The following CEP135 variants were observed in gnomAD, a reference collection of about 807,000 sequenced individuals.
CEP135 encodes centrosomal protein 135.
CEP135 carries 142 observed loss-of-function variants against 157.3 expected under a neutral mutation model. The ratio of observed to expected loss-of-function variants is 0.90; its 90% CI spans 0.79 to 1.04. CEP135 has a LOEUF of 1.04. CEP135 is among the 50% of genes least tolerant of loss of function. The probability of loss-of-function intolerance (pLI) is 0.00; values close to 1 mark genes in which losing one functional copy is unlikely to be tolerated. For synonymous variants in CEP135, 396 were observed against 439.8 expected, an observed-to-expected ratio of 0.90 and a Z score of 1.25; for missense variants, 1,317 against 1,309.2, an observed-to-expected ratio of 1.01 and a Z score of -0.09.
At chr4:56,003,307 G>A (rs1730242419) in intron 17 of CEP135, among the ~76,000 whole-genome samples, 1 of 152,016 alleles carries the variant, frequency 6.6e-6, no homozygotes, top group South Asian at 2.1e-4. Flanking sequence ...CCGGGTTCAC[G>A]CCATTCTCCT....
At chr4:55,969,367 C>G (rs1728944790) in intron 9 of CEP135, among the ~76,000 whole-genome samples, 1 of 148,602 alleles carries the variant, frequency 6.7e-6, no homozygotes, top group Non-Finnish European at 1.5e-5. Flanking sequence ...GCAGAGGTTG[C>G]AGTGAGCCGA....
Position 55,971,312 on chromosome 4 carries a change from G to T in CEP135, c.1153G>T (p.Glu385Ter), listed in dbSNP as rs373032199. Residue 385 changes from glutamate to a stop codon, truncating the protein, a stop_gained, in exon 10 of 26, where the codon GAA becomes TAA. Coordinates refer to ENST00000257287, the MANE Select transcript of CEP135 (RefSeq NM_025009.5). LOFTEE classifies it high-confidence loss of function. ...CQKEKERLSD[E>*]LLVKSDLETV... ...GAAAGAAAAGGAGAGACTGAGTGAT[G>T]AACTCCTTGTAAAATCAGACCTAGA... The T allele has an allele frequency of 1.2e-6, 2 of 1,605,306 alleles. No individual in the cohort carries two copies. Among genetic ancestry groups the T allele is most frequent in the African/African-American group, 1.3e-5 (1 of 74,536 alleles).
rs755419048 is a variant in CEP135 at position 56,009,844 on chromosome 4, G to A, written c.2446G>A (p.Ala816Thr). Residue 816 changes from alanine to threonine, a missense_variant, in exon 19 of 26, where the codon GCT (alanine) becomes ACT (threonine). By Grantham distance (58) the Ala-to-Thr change is moderately conservative. Coordinates refer to ENST00000257287, the MANE Select transcript of CEP135 (RefSeq NM_025009.5). The part of the protein sequence containing the change: ...LDEVGRSREI[A>T]FKENRRLQDD... Reference sequence around the variant, plus strand: ...TGAAGTAGGAAGATCTAGAGAAATCGCTTTTAAGGAAAACAGAAGACTGCA... The same window carrying A: ...TGAAGTAGGAAGATCTAGAGAAATCACTTTTAAGGAAAACAGAAGACTGCA... 6.2e-6 allele frequency: 10 copies of A among 1,613,900 alleles called. No homozygotes were observed. Among genetic ancestry groups the A allele is most frequent in the Middle Eastern group, 1.6e-4 (1 of 6,084 alleles).
chr4:55,990,604 T>A (rs1255174751), intron 14 of CEP135, among the ~76,000 whole-genome samples: 1 of 152,070 alleles, frequency 6.6e-6, no homozygotes, highest in African/African-American at 2.4e-5. Context: ...CAAGCAATCC[T>A]CCCACCTCTT....
Position 55,969,148 on chromosome 4 carries a change from A to G in CEP135, c.1110+20A>G. On this transcript the variant is annotated intron_variant, in intron 9 of 25. Coordinates refer to ENST00000257287, the MANE Select transcript of CEP135 (RefSeq NM_025009.5). Reference sequence around the variant, plus strand: ...CAGCTGGTAAGTTGATGTCATGTTGAATTGCCAGCATTTTCAGTAAGAAAA... The same window carrying G: ...CAGCTGGTAAGTTGATGTCATGTTGGATTGCCAGCATTTTCAGTAAGAAAA... 1 of 1,606,456 alleles carries G rather than the reference A, an allele frequency of 6.2e-7. No homozygotes were observed. The highest frequency in any genetic ancestry group is 8.5e-7 in the Non-Finnish European group (1 of 1,176,374).
intron 17 of CEP135, among the ~76,000 whole-genome samples, chr4:56,002,228 C>T (rs1730199320): frequency 6.6e-6 from 1 of 151,832 alleles, no homozygotes; most frequent in African/African-American, 2.4e-5. Flanking sequence ...TTTGGATGCC[C>T]TTTTTTTCTT....
chr4:55,993,570 C>T (rs773605377), intron 15 of CEP135, among the ~76,000 whole-genome samples: 2 of 152,206 alleles, frequency 1.3e-5, no homozygotes, highest in Non-Finnish European at 2.9e-5. Context: ...GGACTGGTAT[C>T]TCCTCTGGCT....
chr4:55,954,384 G>A lies in CEP135; in HGVS notation c.472+1G>A. ...TTGCATGCTGTAGTACAAACTCCAG[G>A]TAAATCGATTCCTTCTCGAGACAAA... On this transcript the variant is annotated splice_donor_variant, in intron 4 of 25. Coordinates refer to ENST00000257287, the MANE Select transcript of CEP135 (RefSeq NM_025009.5). LOFTEE classifies it high-confidence loss of function. The A allele has an allele frequency of 6.3e-7, 1 of 1,584,376 alleles. No homozygotes were observed. The highest frequency in any genetic ancestry group is 1.4e-5 in the African/African-American group (1 of 73,266).
chr4:55,980,102 A>ATGTGGTGAT, intron 11 of CEP135, 41 bp from the exon 12 acceptor site: 2 of 1,499,052 alleles, frequency 1.3e-6, no homozygotes, highest in Non-Finnish European at 1.8e-6. Context: ...TGTGACAACC[A>ATGTGGTGAT]TGTGGTGATG....
chr4:55,960,807 TC>T (rs1172386116), intron 6 of CEP135: 1 of 149,642 alleles, frequency 6.7e-6, no homozygotes, highest in Non-Finnish European at 1.5e-5. Context: ...GCGCCTGTAG[TC>T]CCAGCTACTT....
rs1021718420 is a variant in CEP135 at position 55,969,059 on chromosome 4, C to G, written c.1045-4C>G. On this transcript the variant is annotated splice_region_variant and splice_polypyrimidine_tract_variant and intron_variant, in intron 8 of 25. Transcript: ENST00000257287. ...TATATACCTAATAGGCTTTTTATTC[C>G]TAGAAAGAGATTAAAAGAAAGCTCT... 6.2e-7 allele frequency: 1 copy of G among 1,605,456 alleles called. No individual in the cohort carries two copies.
chr4:55,981,247 C>G lies in CEP135; in HGVS notation c.1647C>G (p.Ala549=). Reference sequence around the variant, plus strand: ...TTAAGGCTCAGGAAGAATTATCTGCCCTAAGAAAGGAATCCACCCAAACCA... The same window carrying G: ...TTAAGGCTCAGGAAGAATTATCTGCGCTAAGAAAGGAATCCACCCAAACCA... ...LYNEAQEELS[A]LRKESTQTTA... is the part of the protein sequence containing the mutation. Residue 549 remains alanine (A), a synonymous_variant, in exon 13 of 26, where the codon GCC becomes GCG. Coordinates refer to ENST00000257287, the MANE Select transcript of CEP135 (RefSeq NM_025009.5). The G allele has an allele frequency of 6.3e-7, 1 of 1,586,218 alleles. No homozygotes were observed. The highest frequency in any genetic ancestry group is 8.5e-7 in the Non-Finnish European group (1 of 1,171,816).
intron 3 of CEP135, 149 bp downstream of exon 3, chr4:55,953,424 G>A (rs368380531): frequency 3.4e-5 from 18 of 526,052 alleles, no homozygotes; most frequent in African/African-American, 2.2e-4. Context: ...CCAGCTACTC[G>A]GGAGTTTAAG....
intron 24 of CEP135, among the ~76,000 whole-genome samples, chr4:56,022,915 G>A (rs1046791499): frequency 1.3e-5 from 2 of 152,096 alleles, no homozygotes; most frequent in African/African-American, 4.8e-5. Flanking sequence ...GGGCAATATA[G>A]TGTGACCCCT....
rs1181413227 is a variant in CEP135 at position 55,980,286 on chromosome 4, A to G, written c.1617A>G (p.Leu539=). The change falls in exon 12 of 26, where the codon TTA becomes TTG. Residue 539 remains leucine, a synonymous_variant. Coordinates refer to ENST00000257287, the MANE Select transcript of CEP135 (RefSeq NM_025009.5). ...CAGAAAGAGATAAACTAAGTGTCTT[A>G]TATAATGAAGTAAGAAATGTATTAT... ...LTAERDKLSV[L]YNEAQEELSA... 3 of 1,505,302 alleles carry G rather than the reference A, an allele frequency of 2.0e-6. No homozygotes were observed. The highest frequency in any genetic ancestry group is 2.7e-6 in the Non-Finnish European group (3 of 1,091,072). 93.2% of individuals were successfully genotyped at this position (1,505,302 alleles called of 1,614,324 possible). A position where few individuals can be genotyped will look rare whatever the true frequency, so the allele number is the denominator to read the frequency against.
chr4:55,981,395 T>C lies in CEP135; in HGVS notation c.1779+16T>C. ...AAAATTAGAGGTAAGAAGATTGACA[T>C]GTTTTTGAAAGGTAATTTGTTGAGA... On this transcript the variant is annotated intron_variant, in intron 13 of 25. Transcript: ENST00000257287. The C allele has an allele frequency of 6.4e-7, 1 of 1,557,398 alleles. No homozygotes were observed. The highest frequency in any genetic ancestry group is 8.6e-7 in the Non-Finnish European group (1 of 1,161,016).
rs1459381395 is a variant in CEP135 at position 55,952,212 on chromosome 4, G to A, written c.82G>A (p.Glu28Lys). 1.2e-6 allele frequency: 2 copies of A among 1,612,600 alleles called. No homozygotes were observed. The highest frequency in any genetic ancestry group is 1.7e-6 in the Non-Finnish European group (2 of 1,178,774). The part of the protein sequence containing the change: ...QLGYRQTLTV[E>K]CLPLVEKLFS... Reference sequence around the variant, plus strand: ...GGGATACCGCCAGACTCTGACAGTGGAGTGTTTACCTTTGGTAGAAAAACT... The same window carrying A: ...GGGATACCGCCAGACTCTGACAGTGAAGTGTTTACCTTTGGTAGAAAAACT... Residue 28 changes from glutamate (E) to lysine (K), a missense_variant, in exon 2 of 26, where the codon GAG becomes AAG. Glu to Lys is a moderately conservative substitution (Grantham distance 56). Coordinates refer to ENST00000257287, the MANE Select transcript of CEP135 (RefSeq NM_025009.5).
intron 6 of CEP135, 24 bp from the exon 7 acceptor site, chr4:55,964,250 A>T: frequency 1.9e-6 from 3 of 1,577,186 alleles, no homozygotes; most frequent in Non-Finnish European, 2.6e-6. Flanking sequence ...ATTTTTTAAA[A>T]TGACAGCATG....
chr4:55,952,149 A>G lies in CEP135; in HGVS notation c.19A>G (p.Arg7Gly). 1 of 1,607,338 alleles carries G rather than the reference A, an allele frequency of 6.2e-7. No individual in the cohort carries two copies. The highest frequency in any genetic ancestry group is 8.5e-7 in the Non-Finnish European group (1 of 1,174,068). Residue 7 changes from arginine to glycine, a missense_variant, in exon 2 of 26, where the codon AGA becomes GGA. Coordinates refer to ENST00000257287, the MANE Select transcript of CEP135 (RefSeq NM_025009.5). MTTAVE[R>G]KYINIRKRLD... ...AGACGAGATGACTACAGCTGTAGAG[A>G]GAAAGTATATTAATATTAGGAAAAG...
Sources: allele counts gnomAD v4.1 joint callset (sites outside exome capture counted in the v4.1 genomes callset), GRCh38; gene constraint gnomAD v4.1.1; transcripts MANE v1.5; gene names NCBI Gene and HGNC (gene_info 2026-07-23, HGNC 2026-07-21).